The following SRGAP2B variants were observed in gnomAD, a reference collection of about 807,000 sequenced individuals.
SRGAP2B encodes the protein SLIT-ROBO Rho GTPase-activating protein 2B.
In SRGAP2B, 9 loss-of-function variants were observed where a neutral mutation model predicts 22.2. The observed-to-expected ratio is 0.41, with a 90% CI of 0.24 to 0.71. The LOEUF is 0.71. Ranked by LOEUF, SRGAP2B falls within the 30% of genes least tolerant of loss-of-function variation. The pLI is 0.35. For missense variants in SRGAP2B, 114 were observed against 235.8 expected (o/e 0.48, Z 3.38); for synonymous variants, 36 against 87.4 (o/e 0.41, Z 3.28).
intron 2 of SRGAP2B, among the ~76,000 whole-genome samples, chr1:145,062,603 TG>T (rs1422035781): frequency 1.3e-5 from 2 of 152,212 alleles, no homozygotes; most frequent in African/African-American, 4.8e-5. Flanking sequence ...TTCCACACAC[TG>T]AAACGGAACC....
chr1:145,045,357 T>G (rs1553628458), intron 2 of SRGAP2B, among the ~76,000 whole-genome samples: 10 of 118,808 alleles, frequency 8.4e-5, no homozygotes, highest in African/African-American at 2.0e-4. Flanking sequence ...GTGAAGGAAG[T>G]GAGGGAGGGA....
chr1:145,080,675 C>T lies in SRGAP2B; in HGVS notation c.67+12160G>A, dbSNP rs1338472391. ...AAGCAATTCTCCTGCCTCAGGCTCC[C>T]AAGTAGCTAAGATAAATTACAGGCG... On this transcript the variant is annotated intron_variant, in intron 2 of 9. Transcript: ENST00000612199. Among the ~76,000 whole-genome samples, 3 of 148,000 alleles carry T rather than the reference C, an allele frequency of 2.0e-5. 1 individual carries two copies. The highest frequency in any genetic ancestry group is 4.4e-5 in the Non-Finnish European group (3 of 67,506).
chr1:145,010,753 G>C (rs587663036), intron 2 of SRGAP2B, among the ~76,000 whole-genome samples: 2 of 150,308 alleles, frequency 1.3e-5, no homozygotes, highest in East Asian at 3.9e-4. Context: ...AAGTCCATAC[G>C]CACCATTACC....
intron 2 of SRGAP2B, among the ~76,000 whole-genome samples, chr1:144,997,358 G>C (rs1292685797): frequency 6.6e-6 from 1 of 150,908 alleles, no homozygotes; most frequent in East Asian, 1.9e-4. Context: ...GTGAACCCGG[G>C]AGGTGGAGCT....
At chr1:144,984,587 G>A (rs1412259199) in intron 3 of SRGAP2B, among the ~76,000 whole-genome samples, 2 of 149,842 alleles carry the variant, frequency 1.3e-5, no homozygotes, top group Admixed American at 6.6e-5. Flanking sequence ...ACAGGGGTGG[G>A]TATCTGGCAT....
At chr1:144,898,671 GA>G (rs1358254646) in intron 7 of SRGAP2B, among the ~76,000 whole-genome samples, 1 of 149,896 alleles carries the variant, frequency 6.7e-6, no homozygotes, top group African/African-American at 2.5e-5. Context: ...CTCTCATCAT[GA>G]TCACACTGGA....
rs1189485035 is a variant in SRGAP2B at position 144,985,409 on chromosome 1, GA to G, written c.260+9598del. ...GAAGTATTGCTCTAAAAACTCAACAGAAAAAAAAAAGCTACCTAAAAAATGA... is the reference window on the plus strand; with the variant it reads ...GAAGTATTGCTCTAAAAACTCAACAGAAAAAAAAAGCTACCTAAAAAATGA... On this transcript the variant is annotated intron_variant, in intron 3 of 9. Coordinates refer to ENST00000612199, the Ensembl canonical transcript of SRGAP2B. Among the ~76,000 whole-genome samples, 32 of 130,560 alleles carry G rather than the reference GA, an allele frequency of 2.5e-4. 1 individual carries two copies. The highest frequency in any genetic ancestry group is 5.0e-4 in the African/African-American group (17 of 34,132). 85.7% of individuals were successfully genotyped at this position (130,560 alleles called of 152,430 possible).
rs1231501869 is a variant in SRGAP2B, at chr1:145,016,887, C to T, written c.68-21687G>A. The stretch of plus-strand genomic sequence containing the variant: ...TTTTTGAGACGGAGTCTCACTCTGT[C>T]GCCCAGGCTGGAGTGCAGTGGTGCG... On this transcript the variant is annotated intron_variant, in intron 2 of 9. Coordinates refer to ENST00000612199, the Ensembl canonical transcript of SRGAP2B. Among the ~76,000 whole-genome samples, 6 of 145,672 alleles carry T rather than the reference C, an allele frequency of 4.1e-5. 1 individual carries two copies. The highest frequency in any genetic ancestry group is 1.3e-4 in the African/African-American group (5 of 38,534).
intron 2 of SRGAP2B, among the ~76,000 whole-genome samples, chr1:145,082,346 C>T (rs1653010955): frequency 1.4e-5 from 2 of 140,592 alleles, no homozygotes; most frequent in Non-Finnish European, 3.0e-5. Flanking sequence ...TCTAACCAGG[C>T]AATAGCTCTC....
intron 2 of SRGAP2B, among the ~76,000 whole-genome samples, chr1:145,090,046 TAAC>T (rs1341655706): frequency 6.8e-6 from 1 of 146,580 alleles, no homozygotes; most frequent in African/African-American, 2.7e-5. Context: ...AAATTGCACT[TAAC>T]AACCAAACCA....
chr1:144,911,861 C>T (rs1245084693), intron 5 of SRGAP2B, among the ~76,000 whole-genome samples: 30 of 134,064 alleles, frequency 2.2e-4, no homozygotes, highest in South Asian at 4.9e-4. Context: ...CCTCATGATC[C>T]GCCCACCTCA....
intron 3 of SRGAP2B, among the ~76,000 whole-genome samples, chr1:144,984,891 C>T (rs1553615672): frequency 6.7e-6 from 1 of 149,476 alleles, no homozygotes; most frequent in African/African-American, 2.5e-5. Flanking sequence ...TACCTTTGTC[C>T]ACTTCTTCCA....
intron 7 of SRGAP2B, among the ~76,000 whole-genome samples, chr1:144,902,694 G>A (rs1451857726): frequency 1.9e-3 from 273 of 145,658 alleles, no homozygotes; most frequent in Non-Finnish European, 2.6e-3. Flanking sequence ...CCTGGGAGGC[G>A]GAGCTTGCAG....
chr1:144,990,954 G>A (rs1204534641), intron 3 of SRGAP2B, among the ~76,000 whole-genome samples: 9 of 150,630 alleles, frequency 6.0e-5, no homozygotes, highest in Non-Finnish European at 8.8e-5. Flanking sequence ...GCTCCTGTGC[G>A]GCCGGAGCCT....
intron 3 of SRGAP2B, among the ~76,000 whole-genome samples, chr1:144,958,178 G>C (rs1667410770): frequency 6.6e-6 from 1 of 151,418 alleles, no homozygotes; most frequent in African/African-American, 2.5e-5. Context: ...CAGAAAGGTA[G>C]ACCGCAGATC....
intron 3 of SRGAP2B, among the ~76,000 whole-genome samples, chr1:144,991,016 C>T (rs587721255): frequency 6.6e-6 from 1 of 150,610 alleles, no homozygotes; most frequent in Admixed American, 6.6e-5. Flanking sequence ...ATCGACCACC[C>T]AAGGGCTGAG....
At chr1:144,966,320 G>C (rs1668080865) in intron 3 of SRGAP2B, among the ~76,000 whole-genome samples, 1 of 149,822 alleles carries the variant, frequency 6.7e-6, no homozygotes, top group Admixed American at 6.6e-5. Flanking sequence ...AGCCAGAAGA[G>C]AGTGGGGGCC....
At chr1:144,943,485 C>T (rs1235923807) in intron 4 of SRGAP2B, among the ~76,000 whole-genome samples, 9 of 150,376 alleles carry the variant, frequency 6.0e-5, no homozygotes, top group African/African-American at 7.4e-5. Flanking sequence ...CATACATCTA[C>T]TATAAAATTT....
intron 2 of SRGAP2B, among the ~76,000 whole-genome samples, chr1:145,015,107 C>T (rs1483409276): frequency 7.0e-6 from 1 of 143,546 alleles, no homozygotes; most frequent in Non-Finnish European, 1.5e-5. Flanking sequence ...GACAGAGTCT[C>T]ACTTGGTTGC....
Sources: gnomAD v4.1 joint callset for allele counts (sites outside exome capture counted in the v4.1 genomes callset) on GRCh38, gnomAD v4.1.1 for gene constraint, MANE v1.5 for transcripts, NCBI Gene and HGNC (gene_info 2026-07-23, HGNC 2026-07-21) for gene names.